CPXM2: variants seen among roughly 807,000 people sequenced by gnomAD.
CPXM2 encodes the protein carboxypeptidase X, M14 family member 2.
Under a neutral mutation model 86.1 loss-of-function variants are expected in CPXM2, and 66 were observed. The ratio of observed to expected loss-of-function variants is 0.77; its 90% CI spans 0.63 to 0.94. CPXM2 has a LOEUF of 0.94. CPXM2 is among the 40% of genes least tolerant of loss of function. CPXM2 has a pLI of 0.00. For missense variants in CPXM2, 948 were observed against 1,026.3 expected (o/e 0.92, Z 1.04); for synonymous variants, 388 against 400.2 (o/e 0.97, Z 0.36).
intron 5 of CPXM2, among the ~76,000 whole-genome samples, 157 bp from the exon 6 acceptor site, chr10:123,798,283 C>T (rs1847378607): frequency 6.6e-6 from 1 of 151,088 alleles, no homozygotes; most frequent in African/African-American, 2.4e-5. Context: ...ATGAATCAGG[C>T]CTGGATCCTG....
chr10:123,771,113 C>G, intron 7 of CPXM2, 74 bp from the exon 8 acceptor site: 2 of 1,437,702 alleles, frequency 1.4e-6, no homozygotes, highest in Admixed American at 1.8e-5. Context: ...CCCAAGAAAA[C>G]GGACACCTCT....
chr10:123,914,434 T>C (rs1020959996), intron 2 of CPXM2, among the ~76,000 whole-genome samples: 1 of 152,202 alleles, frequency 6.6e-6, no homozygotes, highest in Non-Finnish European at 1.5e-5. Flanking sequence ...TACCCATTGC[T>C]GTGGCTTTAA....
chr10:123,781,683 A>G (rs2134030827), intron 6 of CPXM2, among the ~76,000 whole-genome samples: 1 of 152,312 alleles, frequency 6.6e-6, no homozygotes, highest in Non-Finnish European at 1.5e-5. Flanking sequence ...GATCTGTGCC[A>G]CCAACTGTGG....
At chr10:123,907,145 G>A (rs1172756078) in intron 2 of CPXM2, among the ~76,000 whole-genome samples, 2 of 152,170 alleles carry the variant, frequency 1.3e-5, no homozygotes, top group African/African-American at 2.4e-5. Context: ...GAGTGTTTAC[G>A]AGAGACTGCC....
chr10:123,843,403 C>G (rs1161107522), intron 3 of CPXM2: 1 of 330,624 alleles, frequency 3.0e-6, no homozygotes, highest in South Asian at 2.4e-5. Flanking sequence ...TTTATTAACC[C>G]TATTTTTCCA....
chr10:123,780,395 A>T (rs554293135), intron 6 of CPXM2, 140 bp from the exon 7 acceptor site: 1 of 612,906 alleles, frequency 1.6e-6, no homozygotes, highest in East Asian at 2.8e-5. Context: ...GAGAAAACCA[A>T]CCTGCAGGAA....
intron 2 of CPXM2, among the ~76,000 whole-genome samples, chr10:123,870,201 CT>C (rs5788634): frequency 0.87 from 132,005 of 152,074 alleles, 58,009 homozygotes; most frequent in African/African-American, 0.97. Context: ...CGTTAGGTGT[CT>C]TGAGTTATAA....
At chr10:123,795,126 T>G (rs1847303469) in intron 6 of CPXM2, among the ~76,000 whole-genome samples, 1 of 152,170 alleles carries the variant, frequency 6.6e-6, no homozygotes, top group Admixed American at 6.5e-5. Flanking sequence ...ACTTGACCAT[T>G]TTTCCAGTGT....
intron 2 of CPXM2, among the ~76,000 whole-genome samples, chr10:123,874,302 G>C (rs535608475): frequency 6.6e-6 from 1 of 152,100 alleles, no homozygotes; most frequent in Admixed American, 6.5e-5. Flanking sequence ...GGAGCTCTTG[G>C]GGGTCTCTTT....
chr10:123,748,522 G>A (rs1275825513), intron 13 of CPXM2, among the ~76,000 whole-genome samples: 1 of 152,148 alleles, frequency 6.6e-6, no homozygotes, highest in Non-Finnish European at 1.5e-5. Flanking sequence ...CACAGGACAT[G>A]ATGGGAAATG....
intron 6 of CPXM2, among the ~76,000 whole-genome samples, chr10:123,787,203 T>G (rs1398088785): frequency 6.6e-6 from 1 of 151,992 alleles, no homozygotes; most frequent in Non-Finnish European, 1.5e-5. Context: ...AAGATGACAG[T>G]GCAGACAGAG....
At chr10:123,755,946 ATTCC>A (rs1436809780) in intron 12 of CPXM2, among the ~76,000 whole-genome samples, 1 of 152,228 alleles carries the variant, frequency 6.6e-6, no homozygotes, top group East Asian at 1.9e-4. Flanking sequence ...GGGAACAGGA[ATTCC>A]TTGAGTGAGA....
chr10:123,807,230 C>T (rs1847599898), intron 4 of CPXM2, among the ~76,000 whole-genome samples: 1 of 152,190 alleles, frequency 6.6e-6, no homozygotes, highest in South Asian at 2.1e-4. Context: ...TCCCTCCAAA[C>T]ACTTCCAGGG....
intron 2 of CPXM2, among the ~76,000 whole-genome samples, chr10:123,931,289 T>C (rs1322318711): frequency 6.6e-6 from 1 of 152,196 alleles, no homozygotes; most frequent in East Asian, 1.9e-4. Flanking sequence ...CCTTCTCTGA[T>C]TGACAGTATT....
chr10:123,768,639 C>T lies in CPXM2; in HGVS notation c.1186G>A (p.Val396Met), dbSNP rs570702833. The change falls in exon 9 of 14, where the codon GTG becomes ATG. Residue 396 changes from valine (V) to methionine (M), a missense_variant. Val to Met is a conservative substitution (Grantham distance 21). Coordinates refer to ENST00000241305, the MANE Select transcript of CPXM2 (RefSeq NM_198148.3). ...RELLLLLVQF[V>M]CQEYLARNAR... Reference sequence around the variant, plus strand: ...TTCCGGGCCAAGTACTCCTGACACACGAACTGCACCAGCAGCAGCAGCAGC... The same window carrying T: ...TTCCGGGCCAAGTACTCCTGACACATGAACTGCACCAGCAGCAGCAGCAGC... The T allele has an allele frequency of 7.4e-6, 12 of 1,613,736 alleles. No individual in the cohort carries two copies. Among genetic ancestry groups the T allele is most frequent in the Admixed American group, 3.3e-5 (2 of 60,020 alleles).
intron 13 of CPXM2, chr10:123,750,233 G>A (rs1281917296): frequency 3.0e-6 from 3 of 985,294 alleles, no homozygotes; most frequent in East Asian, 2.3e-4. Context: ...AGACAAGCAG[G>A]TGGAGACAGT....
At chr10:123,922,447 A>G (rs1169369998) in intron 2 of CPXM2, among the ~76,000 whole-genome samples, 3 of 152,252 alleles carry the variant, frequency 2.0e-5, no homozygotes, top group Non-Finnish European at 4.4e-5. Flanking sequence ...AAAAAAATAT[A>G]TGCTGTCCCT....
chr10:123,905,701 C>A (rs1212927982), intron 2 of CPXM2, among the ~76,000 whole-genome samples: 5 of 152,152 alleles, frequency 3.3e-5, no homozygotes, highest in African/African-American at 1.2e-4. Context: ...ACGAAGCCGT[C>A]TCTGTGATGC....
At chr10:123,835,951 A>T (rs549986348) in intron 4 of CPXM2, among the ~76,000 whole-genome samples, 21 of 152,156 alleles carry the variant, frequency 1.4e-4, no homozygotes, top group Non-Finnish European at 2.5e-4. Flanking sequence ...CAGCCAAAGG[A>T]GGTGTTTGGG....
Sources: allele counts gnomAD v4.1 joint callset (sites outside exome capture counted in the v4.1 genomes callset), GRCh38; gene constraint gnomAD v4.1.1; transcripts MANE v1.5; gene names NCBI Gene and HGNC (gene_info 2026-07-23, HGNC 2026-07-21).